Variants in PDS5B observed in about 807,000 individuals in gnomAD.
PDS5B encodes sister chromatid cohesion protein PDS5 homolog B.
In PDS5B, 51 loss-of-function variants were observed where a neutral mutation model predicts 184.1. The ratio of observed to expected loss-of-function variants is 0.28; its 90% CI spans 0.22 to 0.35. PDS5B has a LOEUF of 0.35. PDS5B is among the 10% of genes least tolerant of loss of function. PDS5B has a pLI of 1.00. For synonymous variants in PDS5B, 566 were observed against 569.2 expected (o/e 0.99, Z 0.08); for missense variants, 1,180 against 1,723.3 (o/e 0.68, Z 5.58).
At chr13:32,674,674 T>C (rs751779765) in intron 8 of PDS5B, among the ~76,000 whole-genome samples, 2 of 151,672 alleles carry the variant, frequency 1.3e-5, no homozygotes, top group African/African-American at 2.4e-5. Flanking sequence ...AGGCCAGATA[T>C]TATAAGTGTC....
At chr13:32,677,552 T>TTAC (rs1409285043) in intron 9 of PDS5B, among the ~76,000 whole-genome samples, 1 of 152,148 alleles carries the variant, frequency 6.6e-6, no homozygotes, top group Non-Finnish European at 1.5e-5. Flanking sequence ...AGGTGCATGT[T>TTAC]TACCTGAGAA....
chr13:32,677,071 T>A (rs1348323772), intron 9 of PDS5B, among the ~76,000 whole-genome samples: 1 of 152,110 alleles, frequency 6.6e-6, no homozygotes, highest in Non-Finnish European at 1.5e-5. Context: ...AATATTTTGG[T>A]CTCATTTTTC....
chr13:32,687,876 A>G (rs1030407994), intron 12 of PDS5B, among the ~76,000 whole-genome samples: 15 of 152,160 alleles, frequency 9.9e-5, no homozygotes, highest in African/African-American at 3.6e-4. Context: ...TCAGAATGAG[A>G]AAATTAAGAA....
At position 32,770,477 on chromosome 13, in the gene PDS5B, G is replaced by A. The variant is rs1954743990; in HGVS notation, c.3981G>A (p.Glu1327=). ...KKSGPPAPEE[E]EEEERQSGNT... ...CTGGACCTCCAGCACCAGAGGAGGA[G>A]GAAGAAGAAGAAAGACAAAGTGGAA... Residue 1327 remains glutamate (E), a synonymous_variant, in exon 32 of 35, where the codon GAG becomes GAA. Coordinates refer to ENST00000315596, the MANE Select transcript of PDS5B (RefSeq NM_015032.4). 6.2e-7 allele frequency: 1 copy of A among 1,612,186 alleles called. No homozygotes were observed. The highest frequency in any genetic ancestry group is 8.5e-7 in the Non-Finnish European group (1 of 1,179,664).
intron 24 of PDS5B, among the ~76,000 whole-genome samples, chr13:32,751,978 T>C (rs1030754217): frequency 3.9e-5 from 6 of 152,174 alleles, no homozygotes; most frequent in Non-Finnish European, 8.8e-5. Context: ...ACCAAGATTT[T>C]TGGGGAAGAT....
At chr13:32,691,886 T>G (rs1437844719) in intron 13 of PDS5B, among the ~76,000 whole-genome samples, 1 of 152,152 alleles carries the variant, frequency 6.6e-6, no homozygotes, top group Non-Finnish European at 1.5e-5. Flanking sequence ...ATCTTATGAG[T>G]ATCAAATTTT....
At chr13:32,740,887 G>A (rs187913535) in intron 21 of PDS5B, among the ~76,000 whole-genome samples, 193 bp from the exon 22 acceptor site, 1 of 151,810 alleles carries the variant, frequency 6.6e-6, no homozygotes, top group Non-Finnish European at 1.5e-5. Context: ...GTACATAGGC[G>A]CTAGTGAAGG....
chr13:32,611,748 A>T (rs926262084), intron 1 of PDS5B, among the ~76,000 whole-genome samples: 1 of 151,922 alleles, frequency 6.6e-6, no homozygotes, highest in Non-Finnish European at 1.5e-5. Context: ...GGCTCAAGTG[A>T]TCCTTCCATC....
intron 25 of PDS5B, 105 bp from the exon 26 acceptor site, chr13:32,755,737 A>C (rs1566414374): frequency 7.1e-6 from 4 of 564,504 alleles, no homozygotes; most frequent in African/African-American, 1.9e-5. Flanking sequence ...GTACGAAAGA[A>C]AGAGTATGTA....
chr13:32,628,309 C>T (rs1467709097), intron 1 of PDS5B, among the ~76,000 whole-genome samples: 1 of 151,976 alleles, frequency 6.6e-6, no homozygotes, highest in East Asian at 1.9e-4. Flanking sequence ...GTAATCTTAG[C>T]ACTTTGGGAG....
At chr13:32,726,149 TAAA>T (rs58034166) in intron 19 of PDS5B, among the ~76,000 whole-genome samples, 274 of 141,172 alleles carry the variant, frequency 1.9e-3, no homozygotes, top group African/African-American at 3.0e-3. Flanking sequence ...TAGATAAACT[TAAA>T]AAAAAAAAAA....
At chr13:32,626,437 T>C (rs2058372275) in intron 1 of PDS5B, among the ~76,000 whole-genome samples, 1 of 152,362 alleles carries the variant, frequency 6.6e-6, no homozygotes, top group African/African-American at 2.4e-5. Flanking sequence ...GTTTTAAGGC[T>C]GAATTCGACC....
At chr13:32,588,873 C>T (rs1421696930) in intron 1 of PDS5B, among the ~76,000 whole-genome samples, 3 of 152,218 alleles carry the variant, frequency 2.0e-5, no homozygotes, top group Non-Finnish European at 4.4e-5. Flanking sequence ...AAGTGATACT[C>T]TGTATTAGGC....
At chr13:32,705,858 G>T (rs555708715) in intron 17 of PDS5B, among the ~76,000 whole-genome samples, 1 of 152,050 alleles carries the variant, frequency 6.6e-6, no homozygotes, top group East Asian at 1.9e-4. Flanking sequence ...GTAGAGACAG[G>T]GTCTCGTTAT....
intron 10 of PDS5B, among the ~76,000 whole-genome samples, chr13:32,680,047 T>A (rs1951194518): frequency 6.6e-6 from 1 of 152,200 alleles, no homozygotes; most frequent in Admixed American, 6.5e-5. Context: ...TTTGGGGAAT[T>A]TTTCTTTTTC....
intron 1 of PDS5B, among the ~76,000 whole-genome samples, chr13:32,626,854 C>G (rs915183224): frequency 5.3e-5 from 8 of 152,128 alleles, no homozygotes; most frequent in Non-Finnish European, 8.8e-5. Flanking sequence ...ATTATATGTT[C>G]AATCAAATAA....
rs746656064 is a variant in PDS5B at position 32,741,044 on chromosome 13, G to T, written c.2407-36G>T. The T allele has an allele frequency of 9.2e-5, 74 of 803,708 alleles. 2 individuals carry two copies. The Admixed American group carries it at 1.8e-3, about 20-fold the overall frequency. The allele number at this position is 803,708 out of a possible 1,614,324, so 49.8% of individuals were successfully genotyped here. A position where few individuals can be genotyped will look rare whatever the true frequency, so the allele number is the denominator to read the frequency against. ...AAAGAATTCATATTTACATTTTAAA[G>T]TCCCTGGTTTTTTTTTTTTTCTCGT... On this transcript the variant is annotated intron_variant, in intron 21 of 34. Transcript: ENST00000315596.
chr13:32,679,745 A>T (rs1415928150), intron 10 of PDS5B, among the ~76,000 whole-genome samples: 2 of 152,178 alleles, frequency 1.3e-5, no homozygotes, highest in Admixed American at 6.5e-5. Context: ...TTTCCTACTC[A>T]AATTTGCAGT....
intron 1 of PDS5B, among the ~76,000 whole-genome samples, chr13:32,599,251 C>T (rs1320261860): frequency 2.0e-5 from 3 of 151,852 alleles, no homozygotes; most frequent in Non-Finnish European, 4.4e-5. Context: ...TTGGAGTTTG[C>T]TGAGCTTATT....
Sources: allele counts gnomAD v4.1 joint callset (sites outside exome capture counted in the v4.1 genomes callset), GRCh38; gene constraint gnomAD v4.1.1; transcripts MANE v1.5; gene names NCBI Gene and HGNC (gene_info 2026-07-23, HGNC 2026-07-21).